Variants in SLC6A16 observed in about 807,000 individuals in gnomAD.
SLC6A16 encodes orphan sodium- and chloride-dependent neurotransmitter transporter NTT5.
In SLC6A16, 54 loss-of-function variants were observed where a neutral mutation model predicts 65.4. The observed-to-expected ratio is 0.83, with a 90% CI of 0.66 to 1.04. SLC6A16 has a LOEUF of 1.04. Ranked by LOEUF, SLC6A16 falls within the 50% of genes least tolerant of loss-of-function variation. SLC6A16 has a pLI of 0.00. For synonymous variants in SLC6A16, 330 were observed against 346.5 expected, an observed-to-expected ratio of 0.95 and a Z score of 0.53; for missense variants, 816 against 914.0, an observed-to-expected ratio of 0.89 and a Z score of 1.38.
chr19:49,328,045 T>C (rs1970815671), upstream of SLC6A16, among the ~76,000 whole-genome samples: 2 of 152,084 alleles, frequency 1.3e-5, no homozygotes, highest in Admixed American at 1.3e-4. Context: ...GGGTTCTGAG[T>C]CAAGGAGTGA....
the SLC6A16 span, chr19:49,335,796 G>A: frequency 2.5e-6 from 4 of 1,607,234 alleles, no homozygotes; most frequent in East Asian, 2.2e-5. The surrounding 1 kb of genome is among the most constrained non-coding windows in gnomAD (Gnocchi z 4.6). Context: ...GGTGAGGGGG[G>A]CTGGGGCAGG....
At position 49,294,382 on chromosome 19, in the gene SLC6A16, C is replaced by A. The variant is rs1568524884; in HGVS notation, c.1401G>T (p.Glu467Asp). Reference protein sequence around the residue: ...VLREVTECNIETQFLKASEGP... With the variant: ...VLREVTECNIDTQFLKASEGP... ...GTTTACTGACCTTAAGAAACTGAGT[C>A]TCTATGTTGCACTCAGTCACCTCGC... Residue 467 changes from glutamate (E) to aspartate (D), a missense_variant, in exon 8 of 12, where the codon GAG (glutamate) becomes GAT (aspartate). Coordinates refer to ENST00000335875, the MANE Select transcript of SLC6A16 (RefSeq NM_014037.3). 6.2e-7 allele frequency: 1 copy of A among 1,614,028 alleles called. No homozygotes were observed. Among genetic ancestry groups the A allele is most frequent in the Non-Finnish European group, 8.5e-7 (1 of 1,179,986 alleles).
At chr19:49,312,562 T>G in intron 1 of SLC6A16, 1 of 985,056 alleles carries the variant, frequency 1.0e-6, no homozygotes, top group Non-Finnish European at 1.2e-6. Flanking sequence ...CCCGCCACTC[T>G]GAACTTCTGT....
chr19:49,314,639 A>G (rs1007318645), intron 1 of SLC6A16, among the ~76,000 whole-genome samples: 1 of 152,212 alleles, frequency 6.6e-6, no homozygotes, highest in Non-Finnish European at 1.5e-5. Flanking sequence ...AGAAACTAGT[A>G]TCTTTAGAGT....
intron 11 of SLC6A16, 99 bp downstream of exon 11, chr19:49,290,506 G>T (rs1970055861): frequency 5.8e-6 from 9 of 1,555,402 alleles, no homozygotes; most frequent in Non-Finnish European, 8.0e-6. Flanking sequence ...GAGTCTTCGG[G>T]CAGTAAGAGA....
intron 1 of SLC6A16, among the ~76,000 whole-genome samples, chr19:49,318,709 G>A (rs1970655624): frequency 6.6e-6 from 1 of 152,004 alleles, no homozygotes; most frequent in African/African-American, 2.4e-5. Context: ...TAGCTAGCTA[G>A]ACAGACAGAT....
intron 1 of SLC6A16, among the ~76,000 whole-genome samples, chr19:49,320,174 T>G (rs1970686133): frequency 1.3e-5 from 2 of 152,104 alleles, no homozygotes; most frequent in South Asian, 2.1e-4. Flanking sequence ...TTTGGGAGGC[T>G]GAGGTGGGTG....
the SLC6A16 span, chr19:49,339,772 G>T: frequency 7.3e-7 from 1 of 1,363,252 alleles, no homozygotes; most frequent in Non-Finnish European, 9.4e-7. The surrounding 1 kb of genome is among the most constrained non-coding windows in gnomAD (Gnocchi z 4.5). Flanking sequence ...GATCGCTGAC[G>T]GCGGCGGCGG....
the SLC6A16 span, chr19:49,338,591 A>T: frequency 2.6e-6 from 2 of 769,268 alleles, no homozygotes; most frequent in Non-Finnish European, 4.5e-6. The surrounding 1 kb of genome is among the most constrained non-coding windows in gnomAD (Gnocchi z 5.0). Context: ...CACACCCACC[A>T]CTTAGTCCCC....
chr19:49,296,116 A>G (rs1568526144), intron 7 of SLC6A16, among the ~76,000 whole-genome samples: 4 of 152,182 alleles, frequency 2.6e-5, no homozygotes, highest in Admixed American at 1.3e-4. Context: ...CAGCCTCCCA[A>G]GTAGCTGGGA....
chr19:49,293,799 G>T (rs1167683054), intron 9 of SLC6A16, 28 bp downstream of exon 9: 26 of 1,598,238 alleles, frequency 1.6e-5, no homozygotes, highest in Non-Finnish European at 2.1e-5. Flanking sequence ...CAGGGTCATT[G>T]TTAGGAGTAG....
At chr19:49,319,158 A>T (rs977237941) in intron 1 of SLC6A16, among the ~76,000 whole-genome samples, 1 of 149,298 alleles carries the variant, frequency 6.7e-6, no homozygotes, top group Admixed American at 6.7e-5. Context: ...AAGCACAAAG[A>T]AAAAAAAAAG....
At chr19:49,303,093 G>A (rs1487704052) in intron 7 of SLC6A16, among the ~76,000 whole-genome samples, 3 of 152,138 alleles carry the variant, frequency 2.0e-5, no homozygotes, top group Non-Finnish European at 4.4e-5. Flanking sequence ...TCTGGAGAAA[G>A]ATACAAACAT....
At chr19:49,318,114 A>C (rs76593073) in intron 1 of SLC6A16, among the ~76,000 whole-genome samples, 36 of 152,234 alleles carry the variant, frequency 2.4e-4, no homozygotes, top group Admixed American at 6.5e-5. Context: ...AGTACCTTCG[A>C]GCCATTAGCT....
chr19:49,298,766 C>T (rs1970229631), intron 7 of SLC6A16, among the ~76,000 whole-genome samples: 1 of 152,162 alleles, frequency 6.6e-6, no homozygotes, highest in Non-Finnish European at 1.5e-5. Flanking sequence ...ATATGTTTAT[C>T]ACAGTACTAT....
At chr19:49,309,587 T>C (rs1420702728) in intron 5 of SLC6A16, 64 bp downstream of exon 5, 5 of 1,485,722 alleles carry the variant, frequency 3.4e-6, no homozygotes, top group African/African-American at 1.4e-5. Flanking sequence ...GATCAACAAG[T>C]AACAAATTGA....
intron 7 of SLC6A16, among the ~76,000 whole-genome samples, chr19:49,306,737 T>C (rs1970396008): frequency 6.6e-6 from 1 of 151,962 alleles, no homozygotes; most frequent in Non-Finnish European, 1.5e-5. Context: ...AGAGATGGGG[T>C]TTCACCATAT....
chr19:49,338,003 G>A, the SLC6A16 span: 5 of 1,613,894 alleles, frequency 3.1e-6, no homozygotes, highest in South Asian at 3.3e-5. This position sits in a 1 kb window ranked among gnomAD's most constrained non-coding sequence, Gnocchi z 5.0. Context: ...CGCGGCCGAG[G>A]AGAGCTGGGA....
intron 7 of SLC6A16, among the ~76,000 whole-genome samples, chr19:49,304,423 G>A (rs937596498): frequency 3.9e-5 from 6 of 152,162 alleles, no homozygotes; most frequent in Non-Finnish European, 7.3e-5. Context: ...TGTAGTCAAG[G>A]AAAATTATTT....
Sources: gnomAD v4.1 joint callset for allele counts (sites outside exome capture counted in the v4.1 genomes callset) on GRCh38, gnomAD v4.1.1 for gene constraint, Gnocchi (gnomAD v3.1) non-coding constraint, MANE v1.5 for transcripts, NCBI Gene and HGNC (gene_info 2026-07-23, HGNC 2026-07-21) for gene names.